Variants in EBF4 observed in about 807,000 individuals in gnomAD.
EBF4 encodes the protein transcription factor COE4.
EBF4 carries 34 observed loss-of-function variants against 67.1 expected under a neutral mutation model. That is an observed-to-expected ratio of 0.51 (90% CI 0.39 to 0.67). The LOEUF is 0.67. Ranked by LOEUF, EBF4 falls within the 30% of genes least tolerant of loss-of-function variation. The pLI is 0.00. For synonymous variants in EBF4, 387 were observed against 377.7 expected (o/e 1.02, Z -0.29); for missense variants, 837 against 873.3 (o/e 0.96, Z 0.52).
At chr20:2,752,307 GC>G in intron 13 of EBF4, 44 bp downstream of exon 13, 1 of 1,202,130 alleles carries the variant, frequency 8.3e-7, no homozygotes. Flanking sequence ...CGCCGCCACC[GC>G]CCCTCCCCGG....
chr20:2,725,671 G>T (rs1188279165), intron 6 of EBF4, among the ~76,000 whole-genome samples: 3 of 152,098 alleles, frequency 2.0e-5, no homozygotes, highest in Non-Finnish European at 4.4e-5. Flanking sequence ...GCCCCAAACC[G>T]GGTATGTTTT....
chr20:2,693,750 G>A lies in EBF4; in HGVS notation c.105G>A (p.Ala35=). ...CAGTGCGCTCCTGGATGCAGGGCGCGGGCATCCTGGACGCCAGCACCGCGG... is the reference window on the plus strand; with the variant it reads ...CAGTGCGCTCCTGGATGCAGGGCGCAGGCATCCTGGACGCCAGCACCGCGG... The change falls in exon 1 of 17, where the codon GCG becomes GCA. Residue 35 remains alanine, a synonymous_variant. Coordinates refer to ENST00000609451, the Ensembl canonical transcript of EBF4. The surrounding 1 kb of genome is among the most constrained non-coding windows in gnomAD (Gnocchi z 4.6). 7.4e-7 allele frequency: 1 copy of A among 1,344,966 alleles called. No individual in the cohort carries two copies. Among genetic ancestry groups the A allele is most frequent in the African/African-American group, 1.5e-5 (1 of 65,190 alleles). 83.3% of individuals were successfully genotyped at this position (1,344,966 alleles called of 1,614,324 possible).
chr20:2,711,178 T>A (rs1298730621), intron 6 of EBF4, among the ~76,000 whole-genome samples: 1 of 140,844 alleles, frequency 7.1e-6, no homozygotes, highest in Non-Finnish European at 1.5e-5. Context: ...ATAATAATAA[T>A]AAAATTAAAT....
In EBF4 at chr20:2,733,022, T is replaced by C. The variant is rs540205517; in HGVS notation, c.558-15527T>C. Among the ~76,000 whole-genome samples, 7 of 152,364 alleles carry C rather than the reference T, an allele frequency of 4.6e-5. No individual in the cohort carries two copies. The South Asian group carries it at 1.2e-3, about 27-fold the overall frequency. On this transcript the variant is annotated intron_variant, in intron 6 of 16. Coordinates refer to ENST00000609451, the Ensembl canonical transcript of EBF4. The stretch of plus-strand genomic sequence containing the variant: ...TGTTAATTCATATTACTGTCTTGTC[T>C]TGTTTCATTTCAGACTGAAGGACTC...
chr20:2,708,026 A>T lies in EBF4; in HGVS notation c.488+6A>T. 4.4e-6 allele frequency: 7 copies of T among 1,605,404 alleles called. No homozygotes were observed. Among genetic ancestry groups the T allele is most frequent in the Non-Finnish European group, 6.0e-6 (7 of 1,175,330 alleles). ...ACCCATGAGATCATGTGCAGGTGAG[A>T]TGGCCATGTCACTCACACCTCACCC... On this transcript the variant is annotated splice_donor_region_variant and intron_variant, in intron 5 of 16. Coordinates refer to ENST00000609451, the Ensembl canonical transcript of EBF4.
chr20:2,706,021 G>T (rs750307725), exon 3 of EBF4: 28 of 1,551,602 alleles, frequency 1.8e-5, no homozygotes, highest in Middle Eastern at 1.7e-4. Context: ...ACCGCCTCCG[G>T]CTGGTGTATA....
exon 9 of EBF4, chr20:2,749,732 A>G: frequency 1.9e-6 from 3 of 1,549,074 alleles, no homozygotes; most frequent in Non-Finnish European, 2.6e-6. Context: ...TCGTGTTCGG[A>G]AACGTGCTCG....
At chr20:2,727,220 A>G (rs982229885) in intron 6 of EBF4, among the ~76,000 whole-genome samples, 3 of 152,100 alleles carry the variant, frequency 2.0e-5, no homozygotes, top group African/African-American at 4.8e-5. Flanking sequence ...ATCGCATTGT[A>G]TGTATATACT....
At chr20:2,729,225 G>A (rs1209654477) in intron 6 of EBF4, among the ~76,000 whole-genome samples, 2 of 151,722 alleles carry the variant, frequency 1.3e-5, no homozygotes, top group Middle Eastern at 3.4e-3. Context: ...AGCCTTCGCC[G>A]ACTCCTATTG....
intron 6 of EBF4, among the ~76,000 whole-genome samples, chr20:2,712,266 G>A (rs2146402039): frequency 6.6e-6 from 1 of 152,302 alleles, no homozygotes; most frequent in Admixed American, 6.5e-5. Flanking sequence ...AGATGAGTTA[G>A]GAAGCCAGTA....
Position 2,759,258 on chromosome 20 carries a change from GC to G in EBF4, c.*6-6del. 4 of 506,850 alleles carry G rather than the reference GC, an allele frequency of 7.9e-6. No individual in the cohort carries two copies. Among genetic ancestry groups the G allele is most frequent in the Non-Finnish European group, 1.4e-5 (4 of 279,666 alleles). 31.4% of individuals were successfully genotyped at this position (506,850 alleles called of 1,614,324 possible). On this transcript the variant is annotated splice_polypyrimidine_tract_variant and intron_variant, in intron 16 of 16. Transcript: ENST00000609451. ...CCCGACCTTCTTCTCTCCCTCTCTC[GC>G]CCCACCAGGTCTGCAGCTGTTCCCA...
intron 6 of EBF4, among the ~76,000 whole-genome samples, chr20:2,724,233 A>G (rs552510226): frequency 2.6e-5 from 4 of 152,350 alleles, no homozygotes; most frequent in Admixed American, 2.6e-4. Context: ...TGCACCCTGA[A>G]AATTTGGAAA....
At chr20:2,734,978 A>C (rs1430346603) in intron 6 of EBF4, among the ~76,000 whole-genome samples, 1 of 152,168 alleles carries the variant, frequency 6.6e-6, no homozygotes, top group African/African-American at 2.4e-5. Context: ...ATCTCCAGGA[A>C]TATGTCAGAG....
chr20:2,755,376 T>C lies in EBF4; in HGVS notation c.1541-251T>C. 2.0e-6 allele frequency: 1 copy of C among 489,286 alleles called. No individual in the cohort carries two copies. Among genetic ancestry groups the C allele is most frequent in the Non-Finnish European group, 3.6e-6 (1 of 278,328 alleles). 30.3% of individuals were successfully genotyped at this position (489,286 alleles called of 1,614,324 possible). A position where few individuals can be genotyped will look rare whatever the true frequency, so the allele number is the denominator to read the frequency against. On this transcript the variant is annotated intron_variant, in intron 14 of 16. Transcript: ENST00000609451. This position sits in a 1 kb window ranked among gnomAD's most constrained non-coding sequence, Gnocchi z 4.7. The stretch of plus-strand genomic sequence containing the variant: ...CCTCCCACTGTTTGTTTTTTTTGAA[T>C]GTTCTGGTTTTGCTTTTGTCTTTAC...
At position 2,707,412 on chromosome 20, in the gene EBF4, G is replaced by C. The variant is rs1011069048; in HGVS notation, c.415-535G>C. Among the ~76,000 whole-genome samples the C allele has an allele frequency of 6.6e-6, 1 of 152,146 alleles. No homozygotes were observed. The highest frequency in any genetic ancestry group is 1.5e-5 in the Non-Finnish European group (1 of 68,006). On this transcript the variant is annotated intron_variant, in intron 4 of 16. Transcript: ENST00000609451. The surrounding 1 kb of genome is among the most constrained non-coding windows in gnomAD (Gnocchi z 4.6). ...GATGCAGCAGTCCCAGGGGAAGACCGAGCCTGGGCTAGGGATGGTATGGGG... is the reference window on the plus strand; with the variant it reads ...GATGCAGCAGTCCCAGGGGAAGACCCAGCCTGGGCTAGGGATGGTATGGGG...
rs1314189182 is a variant in EBF4 at position 2,745,892 on chromosome 20, CAT to C, written c.558-2656_558-2655del. Among the ~76,000 whole-genome samples the C allele has an allele frequency of 7.9e-5, 12 of 152,278 alleles. No homozygotes were observed. In the East Asian group the frequency reaches 2.3e-3, roughly 29 times the overall value. Reference sequence around the variant, plus strand: ...TGAGTGGAGTGGGGTGCAGTGGGCACATGTGTCATCTTTTGGTGCAGTCCTAT... The same window carrying C: ...TGAGTGGAGTGGGGTGCAGTGGGCACGTGTCATCTTTTGGTGCAGTCCTAT... On this transcript the variant is annotated intron_variant, in intron 6 of 16. Transcript: ENST00000609451. This position sits in a 1 kb window ranked among gnomAD's most constrained non-coding sequence, Gnocchi z 5.2.
At chr20:2,748,840 A>T (rs2088093866) in intron 7 of EBF4, among the ~76,000 whole-genome samples, 1 of 152,234 alleles carries the variant, frequency 6.6e-6, no homozygotes, top group South Asian at 2.1e-4. Flanking sequence ...GGGAGGCTTC[A>T]TTAGAGTCCC....
exon 17 of EBF4, chr20:2,759,292 C>G (rs957881085): frequency 2.4e-6 from 1 of 415,936 alleles, no homozygotes; most frequent in Non-Finnish European, 4.4e-6. Context: ...CCATGGAGCC[C>G]GGACTGGAGG....
At chr20:2,749,783 G>A (rs1306292801) in intron 9 of EBF4, 30 bp downstream of exon 9, 1 of 1,541,426 alleles carries the variant, frequency 6.5e-7, no homozygotes, top group Middle Eastern at 1.7e-4. Flanking sequence ...CTCCCTCTGG[G>A]CCTAGGGGCT....
Sources: allele counts gnomAD v4.1 joint callset (sites outside exome capture counted in the v4.1 genomes callset), GRCh38; gene constraint gnomAD v4.1.1; non-coding constraint Gnocchi (gnomAD v3.1); transcripts MANE v1.5; gene names NCBI Gene and HGNC (gene_info 2026-07-23, HGNC 2026-07-21).